NRROS: variants seen among roughly 807,000 people sequenced by gnomAD.
The protein encoded by NRROS is transforming growth factor beta activator LRRC33.
In NRROS, 6 loss-of-function variants were observed where a neutral mutation model predicts 12.0. The observed-to-expected ratio is 0.50, with a 90% CI of 0.27 to 0.98. The LOEUF (loss-of-function observed/expected upper bound fraction) is 0.98. Among genes scored for constraint, NRROS ranks in the 50% least tolerant of loss-of-function variants. The pLI is 0.11. For missense variants in NRROS, 857 were observed against 888.2 expected, an observed-to-expected ratio of 0.96 and a Z score of 0.45; for synonymous variants, 462 against 410.2, an observed-to-expected ratio of 1.13 and a Z score of -1.53.
intron 1 of NRROS, among the ~76,000 whole-genome samples, chr3:196,647,062 T>C (rs1284579435): frequency 6.6e-6 from 1 of 152,258 alleles, no homozygotes; most frequent in Admixed American, 6.5e-5. Flanking sequence ...TCCTATCATG[T>C]AGTTTTACCA....
intron 1 of NRROS, among the ~76,000 whole-genome samples, chr3:196,650,521 C>A (rs1560341407): frequency 6.6e-6 from 1 of 151,904 alleles, no homozygotes; most frequent in Non-Finnish European, 1.5e-5. Flanking sequence ...ACCCAGTGAC[C>A]CCCCACTCCT....
Position 196,661,928 on chromosome 3 carries a change from AT to A in NRROS, c.*207del, listed in dbSNP as rs1737698528. On this transcript the variant is annotated 3_prime_UTR_variant, in exon 3 of 3. Transcript: ENST00000328557. ...TCCATCATTATAATTCATCCTCATT[AT>A]CTTGGTAAAATATTTATTAAGTGAC... 2.5e-6 allele frequency: 1 copy of A among 395,734 alleles called. No individual in the cohort carries two copies. The highest frequency in any genetic ancestry group is 5.1e-5 in the Admixed American group (1 of 19,584). The allele number at this position is 395,734 out of a possible 1,614,324, so 24.5% of individuals were successfully genotyped here.
At chr3:196,659,048 A>G (rs893580940) in intron 2 of NRROS, among the ~76,000 whole-genome samples, 3 of 152,122 alleles carry the variant, frequency 2.0e-5, no homozygotes, top group Non-Finnish European at 2.9e-5. Context: ...GTTTTTGCCA[A>G]TTTTGCAAAG....
chr3:196,654,492 C>A lies in NRROS; in HGVS notation c.-13-35C>A. 1 of 1,274,434 alleles carries A rather than the reference C, an allele frequency of 7.8e-7. No homozygotes were observed. Among genetic ancestry groups the A allele is most frequent in the Non-Finnish European group, 1.2e-6 (1 of 869,494 alleles). 78.9% of individuals were successfully genotyped at this position (1,274,434 alleles called of 1,614,324 possible). On this transcript the variant is annotated intron_variant, in intron 1 of 2. Coordinates refer to ENST00000328557, the MANE Select transcript of NRROS (RefSeq NM_198565.3). This position sits in a 1 kb window ranked among gnomAD's most constrained non-coding sequence, Gnocchi z 4.4. The stretch of plus-strand genomic sequence containing the variant: ...ACAAACAGCCCTCTGGGATGTCCTT[C>A]TCTGACTTACCTCTTCCCTGCTCTC...
intron 1 of NRROS, among the ~76,000 whole-genome samples, chr3:196,647,713 T>C (rs1395972403): frequency 6.6e-6 from 1 of 152,160 alleles, no homozygotes; most frequent in Non-Finnish European, 1.5e-5. Context: ...TGCCTGCCAC[T>C]ATGCTCGGCT....
Position 196,660,723 on chromosome 3 carries a change from C to T in NRROS, c.1080C>T (p.His360=). The change falls in exon 3 of 3, where the codon CAC becomes CAT. Residue 360 remains histidine, a synonymous_variant. Transcript: ENST00000328557. The surrounding 1 kb of genome is among the most constrained non-coding windows in gnomAD (Gnocchi z 7.7). ...CTTCCCTCTCCCACCTGAACCTCCA[C>T]CAGAATTGCCTGATGACGCTTCACA... is the stretch of plus-strand genomic sequence containing the variant. ...KMPSLSHLNL[H]QNCLMTLHIR... 6.2e-7 allele frequency: 1 copy of T among 1,614,176 alleles called. No individual in the cohort carries two copies. Among genetic ancestry groups the T allele is most frequent in the Non-Finnish European group, 8.5e-7 (1 of 1,180,022 alleles).
intron 2 of NRROS, among the ~76,000 whole-genome samples, chr3:196,659,144 T>G (rs1405576325): frequency 1.3e-5 from 2 of 152,120 alleles, no homozygotes; most frequent in Non-Finnish European, 2.9e-5. Flanking sequence ...TTATTCTGCA[T>G]GATCAGAGTA....
chr3:196,661,841 AAT>A lies in NRROS; in HGVS notation c.*122_*123del, dbSNP rs1054896462. On this transcript the variant is annotated 3_prime_UTR_variant, in exon 3 of 3. Coordinates refer to ENST00000328557, the MANE Select transcript of NRROS (RefSeq NM_198565.3). ...CGAATTGAAGTTTCAATTAAAATTT[AAT>A]ATGTTTCCATTCCTCATCGCCCACC... is the stretch of plus-strand genomic sequence containing the variant. 2.4e-5 allele frequency: 22 copies of A among 910,098 alleles called. No homozygotes were observed. Among genetic ancestry groups the A allele is most frequent in the African/African-American group, 6.6e-5 (4 of 60,374 alleles). 56.4% of individuals were successfully genotyped at this position (910,098 alleles called of 1,614,324 possible).
intron 2 of NRROS, among the ~76,000 whole-genome samples, chr3:196,658,515 T>C (rs1737583996): frequency 6.6e-6 from 1 of 152,220 alleles, no homozygotes; most frequent in East Asian, 1.9e-4. Context: ...CCTCCAAACC[T>C]GTGCTTCTTC....
At position 196,659,859 on chromosome 3, in the gene NRROS, G is replaced by A; in HGVS notation, c.216G>A (p.Leu72=). Residue 72 remains leucine, a synonymous_variant, in exon 3 of 3, where the codon CTG becomes CTA. Coordinates refer to ENST00000328557, the MANE Select transcript of NRROS (RefSeq NM_198565.3). ...TGGATGCCAACCCTCTCAAGACCCT[G>A]TGGAATCACTCCCTCCAGCCTTACC... ...LTLDANPLKT[L]WNHSLQPYPL... The A allele has an allele frequency of 1.9e-6, 3 of 1,614,044 alleles. No individual in the cohort carries two copies. In the African/African-American group the frequency reaches 4.0e-5, roughly 22 times the overall value.
intron 2 of NRROS, among the ~76,000 whole-genome samples, chr3:196,656,660 G>T (rs1182339681): frequency 6.6e-6 from 1 of 152,122 alleles, no homozygotes. Flanking sequence ...GGCAATAAAG[G>T]ATTAACTACA....
At chr3:196,651,192 G>A (rs1373044585) in intron 1 of NRROS, among the ~76,000 whole-genome samples, 1 of 152,210 alleles carries the variant, frequency 6.6e-6, no homozygotes, top group African/African-American at 2.4e-5. Context: ...TACGAAGAGT[G>A]TTTCTCAACC....
intron 1 of NRROS, among the ~76,000 whole-genome samples, chr3:196,644,398 C>CA (rs35853147): frequency 0.11 from 9,718 of 87,222 alleles, 398 homozygotes; most frequent in Middle Eastern, 0.2. Context: ...GACCCCGTCT[C>CA]AAAAAAAAAA....
At position 196,658,856 on chromosome 3, in the gene NRROS, G is replaced by A. The variant is rs553857909; in HGVS notation, c.109-896G>A. Among the ~76,000 whole-genome samples the A allele has an allele frequency of 1.7e-4, 26 of 152,234 alleles. No individual in the cohort carries two copies. In the South Asian group the frequency reaches 4.8e-3, roughly 28 times the overall value. On this transcript the variant is annotated intron_variant, in intron 2 of 2. Coordinates refer to ENST00000328557, the MANE Select transcript of NRROS (RefSeq NM_198565.3). ...GTGGTGGCATGTGCCTGTAATCCCA[G>A]CTACTCGGGAGGCTGAAACAGGAGA...
At chr3:196,645,101 T>TTAGAAAAC (rs1427828394) in intron 1 of NRROS, among the ~76,000 whole-genome samples, 1 of 152,142 alleles carries the variant, frequency 6.6e-6, no homozygotes, top group Admixed American at 6.6e-5. Context: ...TAATAAGAAA[T>TTAGAAAAC]TAGAAAACTT....
chr3:196,647,786 T>C (rs1005873575), intron 1 of NRROS, among the ~76,000 whole-genome samples: 5 of 152,374 alleles, frequency 3.3e-5, no homozygotes, highest in Non-Finnish European at 7.3e-5. Flanking sequence ...CTCAAATTCC[T>C]GACCTCAGGT....
chr3:196,659,714 G>A (rs1737619202), intron 2 of NRROS, 38 bp from the exon 3 acceptor site: 2 of 1,571,710 alleles, frequency 1.3e-6, no homozygotes, highest in Admixed American at 1.8e-5. Context: ...CTTGCCTCTG[G>A]GCCTCCTCGC....
In NRROS at chr3:196,661,248, T is replaced by C. The variant is rs1430610400; in HGVS notation, c.1605T>C (p.Phe535=). Residue 535 remains phenylalanine (F), a synonymous_variant, in exon 3 of 3, where the codon TTT becomes TTC. Coordinates refer to ENST00000328557, the MANE Select transcript of NRROS (RefSeq NM_198565.3). ...TTATGGCGTTGGACTTCTCTGGGTT[T>C]GGGAATCTCAGGGACTTAGATCTGT... ...SSFMALDFSG[F]GNLRDLDLSG... 3 of 1,614,018 alleles carry C rather than the reference T, an allele frequency of 1.9e-6. No homozygotes were observed. Among genetic ancestry groups the C allele is most frequent in the East Asian group, 2.2e-5 (1 of 44,880 alleles).
intron 1 of NRROS, among the ~76,000 whole-genome samples, chr3:196,650,665 C>T (rs74552360): frequency 0.033 from 5,054 of 152,298 alleles, 277 homozygotes; most frequent in African/African-American, 0.12. Context: ...TCTCTTGTTG[C>T]AGAATACAAC....
Sources: allele counts gnomAD v4.1 joint callset (sites outside exome capture counted in the v4.1 genomes callset), GRCh38; gene constraint gnomAD v4.1.1; non-coding constraint Gnocchi (gnomAD v3.1); transcripts MANE v1.5; gene names NCBI Gene and HGNC (gene_info 2026-07-23, HGNC 2026-07-21).